The following GALNT2 variants were observed in gnomAD, a reference collection of about 807,000 sequenced individuals.
The protein encoded by GALNT2 is polypeptide N-acetylgalactosaminyltransferase 2, also known as UDP-GalNAc:polypeptide N-acetylgalactosaminyltransferase 2.
GALNT2 carries 31 observed loss-of-function variants against 81.4 expected under a neutral mutation model. That is an observed-to-expected ratio of 0.38 (90% confidence interval 0.29 to 0.51). The LOEUF is 0.51. Among genes scored for constraint, GALNT2 ranks in the 20% least tolerant of loss-of-function variants. The pLI is 0.87. For missense variants in GALNT2, 629 were observed against 765.7 expected (o/e 0.82, Z 2.11); for synonymous variants, 303 against 287.4 (o/e 1.05, Z -0.55).
intron 8 of GALNT2, among the ~76,000 whole-genome samples, chr1:230,246,798 C>G (rs1332103173): frequency 1.3e-5 from 2 of 152,114 alleles, no homozygotes; most frequent in African/African-American, 4.8e-5. Context: ...CCTGGAGCCC[C>G]AAGAGCACTT....
intron 1 of GALNT2, among the ~76,000 whole-genome samples, chr1:230,111,427 T>A (rs1224832003): frequency 6.6e-6 from 1 of 152,246 alleles, no homozygotes; most frequent in African/African-American, 2.4e-5. Context: ...CATGTGTATT[T>A]ACCTACATTT....
chr1:230,107,657 G>A (rs1047004611), intron 1 of GALNT2, among the ~76,000 whole-genome samples: 2 of 129,880 alleles, frequency 1.5e-5, no homozygotes, highest in African/African-American at 5.4e-5. Context: ...TGGTTGGTTG[G>A]TTTAAGCCAT....
chr1:230,197,324 GCA>G (rs1663727851), intron 2 of GALNT2, among the ~76,000 whole-genome samples: 1 of 152,144 alleles, frequency 6.6e-6, no homozygotes, highest in Non-Finnish European at 1.5e-5. Context: ...TAACAGCAGG[GCA>G]TGAATTCAGT....
chr1:230,222,230 G>T (rs1664572725), intron 3 of GALNT2, among the ~76,000 whole-genome samples: 1 of 151,816 alleles, frequency 6.6e-6, no homozygotes, highest in African/African-American at 2.4e-5. Flanking sequence ...GTTTCACCAT[G>T]TTAGCCAGAA....
intron 1 of GALNT2, among the ~76,000 whole-genome samples, chr1:230,171,730 C>A (rs1216464677): frequency 6.6e-6 from 1 of 152,052 alleles, no homozygotes; most frequent in Admixed American, 6.5e-5. Flanking sequence ...AACATTTATT[C>A]TTTGTTATTA....
chr1:230,164,377 A>T (rs1662533762), intron 1 of GALNT2, among the ~76,000 whole-genome samples: 1 of 152,226 alleles, frequency 6.6e-6, no homozygotes, highest in African/African-American at 2.4e-5. Context: ...TGATAAGCGC[A>T]CAAGATCACT....
chr1:230,170,192 G>T (rs1452674224), intron 1 of GALNT2, among the ~76,000 whole-genome samples: 1 of 152,196 alleles, frequency 6.6e-6, no homozygotes, highest in Non-Finnish European at 1.5e-5. Flanking sequence ...TTCAAAGCTT[G>T]CAGTAGGCTG....
intron 2 of GALNT2, among the ~76,000 whole-genome samples, chr1:230,196,506 C>T (rs1663699178): frequency 6.6e-6 from 1 of 152,170 alleles, no homozygotes; most frequent in Non-Finnish European, 1.5e-5. Flanking sequence ...AATAAAATGT[C>T]TGTCTTATGA....
intron 14 of GALNT2, among the ~76,000 whole-genome samples, chr1:230,270,837 ATTTATGAAC>A (rs1333086255): frequency 6.6e-6 from 1 of 152,234 alleles, no homozygotes; most frequent in Non-Finnish European, 1.5e-5. Flanking sequence ...TTTCTTAAAT[ATTTATGAAC>A]TTTATTTTAC....
intron 2 of GALNT2, among the ~76,000 whole-genome samples, chr1:230,190,608 C>A (rs560529076): frequency 6.6e-6 from 1 of 152,216 alleles, no homozygotes; most frequent in South Asian, 2.1e-4. Flanking sequence ...AGAGCCCCCT[C>A]TGGGCTCTGA....
At chr1:230,197,124 T>G (rs1663719881) in intron 2 of GALNT2, among the ~76,000 whole-genome samples, 1 of 152,036 alleles carries the variant, frequency 6.6e-6, no homozygotes, top group Admixed American at 6.6e-5. Context: ...CCACCTGACA[T>G]GGGACCTGTC....
At chr1:230,210,656 A>G (rs138180074) in intron 3 of GALNT2, among the ~76,000 whole-genome samples, 1 of 152,332 alleles carries the variant, frequency 6.6e-6, no homozygotes, top group East Asian at 1.9e-4. Flanking sequence ...TTTGTTTAGA[A>G]GAATTACTAA....
At chr1:230,066,793 G>T (rs1278153739), upstream of GALNT2, among the ~76,000 whole-genome samples, 1 of 152,214 alleles carries the variant, frequency 6.6e-6, no homozygotes, top group Non-Finnish European at 1.5e-5. Flanking sequence ...GTGTGCGTGA[G>T]CAAGGCTCTT....
At chr1:230,211,053 A>C (rs114697169) in intron 3 of GALNT2, among the ~76,000 whole-genome samples, 6,744 of 152,286 alleles carry the variant, frequency 0.044, 195 homozygotes, top group Non-Finnish European at 0.065. Flanking sequence ...GGAAATCCAC[A>C]CAGCTCCCCA....
At chr1:230,162,853 C>G (rs1303507420) in intron 1 of GALNT2, among the ~76,000 whole-genome samples, 1 of 152,184 alleles carries the variant, frequency 6.6e-6, no homozygotes, top group African/African-American at 2.4e-5. Flanking sequence ...GGCATTGGAA[C>G]CTACCATTTT....
At chr1:230,092,191 T>TTTTGTTTTTTTTTTTTTTTGTTTTTG (rs1558280334) in intron 1 of GALNT2, among the ~76,000 whole-genome samples, 1 of 149,406 alleles carries the variant, frequency 6.7e-6, no homozygotes, top group Non-Finnish European at 1.5e-5. Context: ...TTTTTTTTTT[T>TTTTGTTTTTTTTTTTTTTTGTTTTTG]TTTTTGCACT....
intron 2 of GALNT2, among the ~76,000 whole-genome samples, chr1:230,199,786 A>G (rs1211073932): frequency 1.3e-5 from 2 of 152,220 alleles, no homozygotes; most frequent in Non-Finnish European, 2.9e-5. Flanking sequence ...TCCTGTGTCA[A>G]AGGAGGCGGC....
rs879052741 is a variant in GALNT2 at position 230,281,713 on chromosome 1, C to G, written c.*2255C>G. 1.3e-5 allele frequency: 2 copies of G among 152,424 alleles called. No individual in the cohort carries two copies. Among genetic ancestry groups the G allele is most frequent in the South Asian group, 4.2e-4 (2 of 4,798 alleles). 9.4% of individuals were successfully genotyped at this position (152,424 alleles called of 1,614,324 possible). On this transcript the variant is annotated 3_prime_UTR_variant, in exon 16 of 16. Transcript: ENST00000366672. ...GGGAGGCGGCTTTGGATGGTCCGGG[C>G]GTCAAGAGCAGGGGTGGGCCGGGGA...
At chr1:230,149,120 G>A (rs1369326389) in intron 1 of GALNT2, among the ~76,000 whole-genome samples, 1 of 152,172 alleles carries the variant, frequency 6.6e-6, no homozygotes, top group Non-Finnish European at 1.5e-5. Flanking sequence ...GGCTCAGGCA[G>A]TCCACCTGCC....
Sources: allele counts gnomAD v4.1 joint callset (sites outside exome capture counted in the v4.1 genomes callset), GRCh38; gene constraint gnomAD v4.1.1; transcripts MANE v1.5; gene names NCBI Gene and HGNC (gene_info 2026-07-23, HGNC 2026-07-21).